The following ENTPD1 variants were observed in gnomAD, a reference collection of about 807,000 sequenced individuals.
ENTPD1 encodes ATP diphosphohydrolase.
A neutral mutation model predicts 57.0 loss-of-function variants in ENTPD1; 33 were observed. That is an observed-to-expected ratio of 0.58 (90% CI 0.44 to 0.77). The LOEUF (loss-of-function observed/expected upper bound fraction) is 0.77. ENTPD1 is among the 30% of genes least tolerant of loss of function. The pLI is 0.00. For missense variants in ENTPD1, 501 were observed against 603.4 expected (o/e 0.83, Z 1.78); for synonymous variants, 202 against 218.8 (o/e 0.92, Z 0.68).
At position 95,847,452 on chromosome 10, in the gene ENTPD1, AG is replaced by A; in HGVS notation, c.821del (p.Ser274IlefsTer17). The A allele has an allele frequency of 1.9e-6, 3 of 1,614,194 alleles. No individual in the cohort carries two copies. The highest frequency in any genetic ancestry group is 2.5e-6 in the Non-Finnish European group (3 of 1,180,042). On this transcript the variant is annotated frameshift_variant, in exon 7 of 10. Coordinates refer to ENST00000371205, the MANE Select transcript of ENTPD1 (RefSeq NM_001776.6). LOFTEE classifies it high-confidence loss of function. The stretch of plus-strand genomic sequence containing the variant: ...AAGTGATTTTTCCATTCAGGTTGCA[AG>A]TAATGAAATTCTCAGGGACCCATGC... ...QKLAKDIQVA[S>X]NEILRDPCFH...
chr10:95,699,043 G>T, the ENTPD1 span, among the ~76,000 whole-genome samples: 3 of 152,154 alleles, frequency 2.0e-5, no homozygotes, highest in Admixed American at 2.0e-4. Flanking sequence ...GAGTACAGTG[G>T]CTCACACCTG....
At chr10:95,795,192 G>T (rs189029841) in intron 1 of ENTPD1, among the ~76,000 whole-genome samples, 3 of 152,228 alleles carry the variant, frequency 2.0e-5, no homozygotes, top group African/African-American at 4.8e-5. Flanking sequence ...AGGGTTACAT[G>T]GCATTGAATT....
At position 95,869,942 on chromosome 10, in the gene ENTPD1, T is replaced by G; in HGVS notation, c.*3559T>G. On this transcript the variant is annotated 3_prime_UTR_variant, in exon 10 of 10. Transcript: ENST00000371205. ...CACATGTGGCTTGTAGCTACCATACTGGACAGCACATGTCCAAAAAAATAC... is the reference window on the plus strand; with the variant it reads ...CACATGTGGCTTGTAGCTACCATACGGGACAGCACATGTCCAAAAAAATAC... 1.0e-6 allele frequency: 1 copy of G among 985,066 alleles called. No individual in the cohort carries two copies. The highest frequency in any genetic ancestry group is 1.2e-6 in the Non-Finnish European group (1 of 829,552). The allele number at this position is 985,066 out of a possible 1,614,324, so 61.0% of individuals were successfully genotyped here.
At chr10:95,733,928 A>G (rs1284255205) in intron 1 of ENTPD1, among the ~76,000 whole-genome samples, 1 of 152,102 alleles carries the variant, frequency 6.6e-6, no homozygotes, top group Non-Finnish European at 1.5e-5. Flanking sequence ...AAAGAGTGAA[A>G]GTTTTGGGTC....
chr10:95,869,614 A>G lies in ENTPD1; in HGVS notation c.*3231A>G. 5 of 985,348 alleles carry G rather than the reference A, an allele frequency of 5.1e-6. No homozygotes were observed. The highest frequency in any genetic ancestry group is 4.8e-6 in the Non-Finnish European group (4 of 829,884). 61.0% of individuals were successfully genotyped at this position (985,348 alleles called of 1,614,324 possible). A position where few individuals can be genotyped will look rare whatever the true frequency, so the allele number is the denominator to read the frequency against. Reference sequence around the variant, plus strand: ...TAATCAGGCTTTCTGTGTGACAAGAAAGAGAAAGAAAATAAAGAAGTTTCA... The same window carrying G: ...TAATCAGGCTTTCTGTGTGACAAGAGAGAGAAAGAAAATAAAGAAGTTTCA... On this transcript the variant is annotated 3_prime_UTR_variant, in exon 10 of 10. Transcript: ENST00000371205.
intron 7 of ENTPD1, among the ~76,000 whole-genome samples, chr10:95,854,687 C>G (rs367638837): frequency 6.6e-6 from 1 of 151,976 alleles, no homozygotes; most frequent in Non-Finnish European, 1.5e-5. Flanking sequence ...CATTTCGTTA[C>G]GTACCCAGTA....
At chr10:95,751,949 G>T (rs1437738501), upstream of ENTPD1, among the ~76,000 whole-genome samples, 2 of 152,112 alleles carry the variant, frequency 1.3e-5, no homozygotes, top group Non-Finnish European at 2.9e-5. Flanking sequence ...AGAAGGCAAA[G>T]GGTGAAGGTC....
At chr10:95,842,611 T>G (rs1412347437) in intron 4 of ENTPD1, 117 bp downstream of exon 4, 13 of 1,156,130 alleles carry the variant, frequency 1.1e-5, no homozygotes, top group South Asian at 4.9e-5. Flanking sequence ...CACACCCAAG[T>G]CCATACTTAA....
Position 95,869,231 on chromosome 10 carries a change from G to C in ENTPD1, c.*2848G>C. 1.3e-5 allele frequency: 6 copies of C among 467,250 alleles called. No individual in the cohort carries two copies. The highest frequency in any genetic ancestry group is 1.6e-5 in the Non-Finnish European group (6 of 368,720). The allele number at this position is 467,250 out of a possible 1,614,324, so 28.9% of individuals were successfully genotyped here. On this transcript the variant is annotated 3_prime_UTR_variant, in exon 10 of 10. Coordinates refer to ENST00000371205, the MANE Select transcript of ENTPD1 (RefSeq NM_001776.6). ...CTATAGGGGAGAAAAAAGATCAGCAGAAGTCATTACTTTTTTTTTTTTTTT... is the reference window on the plus strand; with the variant it reads ...CTATAGGGGAGAAAAAAGATCAGCACAAGTCATTACTTTTTTTTTTTTTTT...
chr10:95,855,599 G>A (rs2098453128), intron 7 of ENTPD1, among the ~76,000 whole-genome samples: 2 of 152,108 alleles, frequency 1.3e-5, no homozygotes, highest in African/African-American at 4.8e-5. Flanking sequence ...CATGTTTAGT[G>A]CTTCCTTCAG....
chr10:95,853,227 CTGTT>C (rs1342243807), intron 7 of ENTPD1, among the ~76,000 whole-genome samples: 1 of 152,164 alleles, frequency 6.6e-6, no homozygotes, highest in East Asian at 1.9e-4. Flanking sequence ...ATTTGGCTCT[CTGTT>C]TGTCTGTTAT....
In ENTPD1 at chr10:95,872,713, T is replaced by C. The variant is rs2098481835; in HGVS notation, c.*6330T>C. The C allele has an allele frequency of 1.0e-6, 1 of 985,312 alleles. No individual in the cohort carries two copies. The highest frequency in any genetic ancestry group is 1.2e-6 in the Non-Finnish European group (1 of 829,932). 61.0% of individuals were successfully genotyped at this position (985,312 alleles called of 1,614,324 possible). On this transcript the variant is annotated 3_prime_UTR_variant, in exon 10 of 10. Coordinates refer to ENST00000371205, the MANE Select transcript of ENTPD1 (RefSeq NM_001776.6). ...GTAATAGTTCTAGCCAACCTCCCTGTCCACTGCCAGGCCGACTACAAACCC... is the reference window on the plus strand; with the variant it reads ...GTAATAGTTCTAGCCAACCTCCCTGCCCACTGCCAGGCCGACTACAAACCC...
At chr10:95,717,359 T>G (rs2097972750) in intron 1 of ENTPD1, among the ~76,000 whole-genome samples, 2 of 96,706 alleles carry the variant, frequency 2.1e-5, no homozygotes, top group South Asian at 6.3e-4. Flanking sequence ...TTTTTTTTTT[T>G]GCAGTTGCAA....
intron 2 of ENTPD1, among the ~76,000 whole-genome samples, chr10:95,824,273 TTGACCATGGAGGCCTGGGAATACA>T (rs1236234439): frequency 2.0e-5 from 3 of 152,252 alleles, no homozygotes; most frequent in African/African-American, 7.2e-5. Context: ...AGAAGTTAAC[TTGACCATGGAGGCCTGGGAATACA>T]TGTGTAGAAG....
chr10:95,739,534 G>A (rs1169191187), intron 1 of ENTPD1, among the ~76,000 whole-genome samples: 1 of 152,154 alleles, frequency 6.6e-6, no homozygotes, highest in East Asian at 1.9e-4. Context: ...TGCTCCATTT[G>A]TATCATGAGA....
At chr10:95,805,491 T>C (rs888064396) in intron 1 of ENTPD1, among the ~76,000 whole-genome samples, 1 of 152,204 alleles carries the variant, frequency 6.6e-6, no homozygotes, top group African/African-American at 2.4e-5. Flanking sequence ...CCCATTTATT[T>C]TTAAGGTTAA....
At chr10:95,805,032 C>T (rs971407978) in intron 1 of ENTPD1, among the ~76,000 whole-genome samples, 3 of 152,044 alleles carry the variant, frequency 2.0e-5, no homozygotes, top group Non-Finnish European at 4.4e-5. Context: ...GAGTTCAAGT[C>T]CTGGATATCC....
intron 1 of ENTPD1, among the ~76,000 whole-genome samples, chr10:95,776,763 G>C (rs921142495): frequency 3.9e-5 from 6 of 152,080 alleles, no homozygotes; most frequent in Non-Finnish European, 8.8e-5. Context: ...ATCACTTTTA[G>C]GTACACCAAT....
At chr10:95,742,868 A>G (rs2098001914) in intron 1 of ENTPD1, among the ~76,000 whole-genome samples, 1 of 152,236 alleles carries the variant, frequency 6.6e-6, no homozygotes, top group Non-Finnish European at 1.5e-5. Context: ...TTTTAATTAT[A>G]GAATAGTTTT....
Sources: allele counts gnomAD v4.1 joint callset (sites outside exome capture counted in the v4.1 genomes callset), GRCh38; gene constraint gnomAD v4.1.1; transcripts MANE v1.5; gene names NCBI Gene and HGNC (gene_info 2026-07-23, HGNC 2026-07-21).